Variants in ANKRD45 observed in about 807,000 individuals in gnomAD.
ANKRD45 encodes the protein ankyrin repeat domain-containing protein 45.
Under a neutral mutation model 28.1 loss-of-function variants are expected in ANKRD45, and 21 were observed. The observed-to-expected ratio is 0.75, with a 90% CI of 0.53 to 1.08. ANKRD45 has a LOEUF of 1.08. Ranked by LOEUF, ANKRD45 falls within the 50% of genes least tolerant of loss-of-function variation. The pLI, the probability that ANKRD45 is intolerant of heterozygous loss-of-function variation, is 0.00. For synonymous variants in ANKRD45, 86 were observed against 103.9 expected (o/e 0.83, Z 1.05); for missense variants, 261 against 308.7 (o/e 0.85, Z 1.16).
the ANKRD45 span, among the ~76,000 whole-genome samples, chr1:173,704,616 G>A: frequency 9.9e-5 from 15 of 152,204 alleles, no homozygotes; most frequent in Non-Finnish European, 2.2e-4. Context: ...CAGCAGTGAA[G>A]TTTGAACAAT....
At chr1:173,671,865 G>C (rs183080968), upstream of ANKRD45, among the ~76,000 whole-genome samples, 571 of 148,190 alleles carry the variant, frequency 3.9e-3, 2 homozygotes, top group Non-Finnish European at 6.3e-3. Context: ...ATGGGTGACA[G>C]AGCAAGACTC....
At chr1:173,635,906 T>G in intron 3 of ANKRD45, 2 of 1,237,306 alleles carry the variant, frequency 1.6e-6, no homozygotes, top group Non-Finnish European at 2.2e-6. Flanking sequence ...AACATAATAT[T>G]ACTAGTTTCT....
chr1:173,659,277 C>T lies in ANKRD45; in HGVS notation c.142G>A (p.Val48Ile). The T allele has an allele frequency of 5.6e-6, 9 of 1,614,068 alleles. No individual in the cohort carries two copies. Among genetic ancestry groups the T allele is most frequent in the South Asian group, 5.5e-5 (5 of 91,066 alleles). Residue 48 changes from valine to isoleucine, a missense_variant, in exon 2 of 6, where the codon GTA becomes ATA. Physicochemically the swap from Val to Ile is conservative, Grantham distance 29 (BLOSUM62 3). Coordinates refer to ENST00000333279, the MANE Select transcript of ANKRD45 (RefSeq NM_198493.3). Reference protein sequence around the residue: ...PLLQPALTGDVEGLQKIFEDP... With the variant: ...PLLQPALTGDIEGLQKIFEDP... ...TCAAATATCTTCTGCAAACCCTCTA[C>T]ATCCCCTGTGAGAGCAGGTTGTAAA...
chr1:173,636,879 T>C lies in ANKRD45; in HGVS notation c.497-9720A>G, dbSNP rs950825777. On this transcript the variant is annotated intron_variant, in intron 3 of 5. Transcript: ENST00000333279. ...CCTGGTAATGATCTAGAAAGCCCAT[T>C]GATCAACAACATTGACCAAACACTC... 1.2e-5 allele frequency: 19 copies of C among 1,535,812 alleles called. No homozygotes were observed. In the African/African-American group the frequency reaches 1.9e-4, roughly 15 times the overall value.
At chr1:173,697,973 T>C in the ANKRD45 span, among the ~76,000 whole-genome samples, 3 of 150,370 alleles carry the variant, frequency 2.0e-5, no homozygotes, top group East Asian at 3.9e-4. Flanking sequence ...GGAGGAAAAT[T>C]TACCAAGAAA....
the ANKRD45 span, among the ~76,000 whole-genome samples, chr1:173,702,756 T>C: frequency 6.6e-6 from 1 of 150,416 alleles, no homozygotes; most frequent in Non-Finnish European, 1.5e-5. Context: ...GGGTCTCACT[T>C]TCTTGCCGAG....
chr1:173,708,232 G>A, the ANKRD45 span, among the ~76,000 whole-genome samples: 1 of 152,120 alleles, frequency 6.6e-6, no homozygotes, highest in Admixed American at 6.5e-5. Context: ...ACTTATGGAT[G>A]GTGTACTCTC....
At position 173,665,692 on chromosome 1, in the gene ANKRD45, T is replaced by G. The variant is rs574428613; in HGVS notation, c.-16+4125A>C. Among the ~76,000 whole-genome samples, 5 of 152,246 alleles carry G rather than the reference T, an allele frequency of 3.3e-5. No homozygotes were observed. In the East Asian group the frequency reaches 9.6e-4, roughly 29 times the overall value. On this transcript the variant is annotated intron_variant, in intron 1 of 5. Coordinates refer to ENST00000333279, the MANE Select transcript of ANKRD45 (RefSeq NM_198493.3). ...GGAATTTTTGTTTATATGAGTTATA[T>G]CTAAATTAATATTTATATTGGAAAT...
chr1:173,682,965 T>C, the ANKRD45 span, among the ~76,000 whole-genome samples: 1 of 151,126 alleles, frequency 6.6e-6, no homozygotes, highest in African/African-American at 2.4e-5. Context: ...TTCGGGCCAT[T>C]TTTCTCCCCT....
the ANKRD45 span, among the ~76,000 whole-genome samples, chr1:173,696,264 T>C: frequency 6.6e-6 from 1 of 152,190 alleles, no homozygotes; most frequent in African/African-American, 2.4e-5. Flanking sequence ...ACGTGAAATA[T>C]TGGGGGTGGT....
At chr1:173,646,193 T>A (rs144443533) in intron 3 of ANKRD45, among the ~76,000 whole-genome samples, 43 of 152,326 alleles carry the variant, frequency 2.8e-4, no homozygotes, top group African/African-American at 9.6e-4. Context: ...ATGCAAAATA[T>A]TAGCAAATTC....
At chr1:173,704,217 G>A in the ANKRD45 span, among the ~76,000 whole-genome samples, 4 of 151,800 alleles carry the variant, frequency 2.6e-5, no homozygotes, top group Non-Finnish European at 4.4e-5. Flanking sequence ...ATTTGGGGGT[G>A]CATGAACATA....
At chr1:173,648,174 G>A (rs767494278) in intron 2 of ANKRD45, among the ~76,000 whole-genome samples, 2 of 152,024 alleles carry the variant, frequency 1.3e-5, no homozygotes, top group Non-Finnish European at 2.9e-5. Flanking sequence ...TCTTGACCTC[G>A]TGATCCACTT....
the ANKRD45 span, among the ~76,000 whole-genome samples, chr1:173,682,963 A>C: frequency 6.7e-6 from 1 of 149,100 alleles, no homozygotes; most frequent in African/African-American, 2.5e-5. Context: ...TTTTCGGGCC[A>C]TTTTTCTCCC....
At chr1:173,691,260 T>C in the ANKRD45 span, among the ~76,000 whole-genome samples, 1 of 152,148 alleles carries the variant, frequency 6.6e-6, no homozygotes, top group Non-Finnish European at 1.5e-5. Flanking sequence ...TTTTTCTGTG[T>C]TGCTGAGAGC....
chr1:173,664,923 A>G (rs1179820462), intron 1 of ANKRD45, among the ~76,000 whole-genome samples: 2 of 152,160 alleles, frequency 1.3e-5, no homozygotes, highest in South Asian at 2.1e-4. Flanking sequence ...CAATCCCTCA[A>G]TTTATTAGCT....
the ANKRD45 span, among the ~76,000 whole-genome samples, chr1:173,686,897 T>G: frequency 1.3e-5 from 2 of 152,244 alleles, no homozygotes; most frequent in African/African-American, 4.8e-5. Context: ...TTATCCAATT[T>G]TTAATGTCTG....
intron 5 of ANKRD45, among the ~76,000 whole-genome samples, chr1:173,621,749 G>A (rs1285480290): frequency 6.6e-6 from 1 of 152,074 alleles, no homozygotes; most frequent in Non-Finnish European, 1.5e-5. Context: ...ACCAGCACAA[G>A]ACAAGGATGC....
At chr1:173,635,425 C>T (rs1464672444) in intron 3 of ANKRD45, 3 of 944,344 alleles carry the variant, frequency 3.2e-6, no homozygotes, top group African/African-American at 1.7e-5. Context: ...TGCTTCCCTT[C>T]GTAGGGAATT....
Sources: gnomAD v4.1 joint callset for allele counts (sites outside exome capture counted in the v4.1 genomes callset) on GRCh38, gnomAD v4.1.1 for gene constraint, MANE v1.5 for transcripts, NCBI Gene and HGNC (gene_info 2026-07-23, HGNC 2026-07-21) for gene names.